TYW1: variants seen among roughly 807,000 people sequenced by gnomAD.
TYW1 encodes the protein S-adenosyl-L-methionine-dependent tRNA 4-demethylwyosine synthase TYW1.
In TYW1, 46 loss-of-function variants were observed where a neutral mutation model predicts 96.2. That is an observed-to-expected ratio of 0.48 (90% CI 0.38 to 0.61). TYW1 has a LOEUF of 0.61. Ranked by LOEUF, TYW1 falls within the 20% of genes least tolerant of loss-of-function variation. The pLI is 0.00. For synonymous variants in TYW1, 274 were observed against 323.0 expected (o/e 0.85, Z 1.63); for missense variants, 684 against 909.6 (o/e 0.75, Z 3.19).
At chr7:67,095,720 C>T (rs1238685150) in intron 11 of TYW1, among the ~76,000 whole-genome samples, 4 of 148,980 alleles carry the variant, frequency 2.7e-5, no homozygotes, top group African/African-American at 1.0e-4. Context: ...GCAGCAGCAG[C>T]CCCTATGTCT....
chr7:67,220,550 T>A (rs1801356666), intron 15 of TYW1, among the ~76,000 whole-genome samples: 1 of 152,026 alleles, frequency 6.6e-6, no homozygotes, highest in Non-Finnish European at 1.5e-5. Context: ...GAGAATATGC[T>A]TTGTATGATA....
chr7:67,023,068 T>C (rs1177857958), intron 6 of TYW1, among the ~76,000 whole-genome samples: 4 of 152,174 alleles, frequency 2.6e-5, no homozygotes, highest in African/African-American at 2.4e-5. Flanking sequence ...ATGAAGGTTA[T>C]TGACATTTTG....
At chr7:67,001,998 C>T (rs1793409744) in intron 3 of TYW1, among the ~76,000 whole-genome samples, 2 of 150,718 alleles carry the variant, frequency 1.3e-5, no homozygotes, top group Non-Finnish European at 2.9e-5. Context: ...TGCACCACTG[C>T]ACTCCAGCCT....
intron 13 of TYW1, among the ~76,000 whole-genome samples, chr7:67,173,306 G>A (rs1799571058): frequency 6.6e-6 from 1 of 152,150 alleles, no homozygotes; most frequent in Admixed American, 6.5e-5. Context: ...TGTGGAAGAA[G>A]GTGGGTCATT....
chr7:67,237,743 G>A (rs1249689422), intron 15 of TYW1, among the ~76,000 whole-genome samples: 1 of 151,940 alleles, frequency 6.6e-6, no homozygotes, highest in Non-Finnish European at 1.5e-5. Flanking sequence ...AGTACAAATT[G>A]GATTATCCCC....
intron 2 of TYW1, 99 bp from the exon 3 acceptor site, chr7:66,998,718 A>G (rs1460095136): frequency 7.3e-7 from 1 of 1,376,132 alleles, no homozygotes; most frequent in Non-Finnish European, 1.0e-6. Flanking sequence ...AGATTAAGAG[A>G]AAAATAAAAT....
Position 67,024,914 on chromosome 7 carries a change from T to G in TYW1, c.876T>G (p.Phe292Leu). 1 of 1,613,866 alleles carries G rather than the reference T, an allele frequency of 6.2e-7. No individual in the cohort carries two copies. The highest frequency in any genetic ancestry group is 8.5e-7 in the Non-Finnish European group (1 of 1,179,818). ...HHRDTEEEEPFESSSEEEFGG... is the reference protein window; with the variant it reads ...HHRDTEEEEPLESSSEEEFGG... ...TTCTCTTCCAGGAGGAAGAACCCTTTGAGAGCTCCAGTGAAGAAGAGTTTG... is the reference window on the plus strand; with the variant it reads ...TTCTCTTCCAGGAGGAAGAACCCTTGGAGAGCTCCAGTGAAGAAGAGTTTG... The change falls in exon 7 of 16, where the codon TTT (phenylalanine) becomes TTG (leucine). Residue 292 changes from phenylalanine (F) to leucine (L), a missense_variant. Coordinates refer to ENST00000359626, the MANE Select transcript of TYW1 (RefSeq NM_018264.4).
chr7:67,180,118 C>T (rs1449882789), intron 13 of TYW1, among the ~76,000 whole-genome samples: 4 of 131,984 alleles, frequency 3.0e-5, no homozygotes, highest in Non-Finnish European at 6.4e-5. Context: ...TGAGCCAGTG[C>T]ACCCAGCTGA....
chr7:67,195,173 G>A lies in TYW1; in HGVS notation c.1813G>A (p.Val605Ile), dbSNP rs150936911. The A allele has an allele frequency of 1.1e-3, 1,742 of 1,613,904 alleles. 7 individuals are homozygous for A. The highest frequency in any genetic ancestry group is 8.0e-4 in the Non-Finnish European group (946 of 1,179,944). Residue 605 changes from valine (V) to isoleucine (I), a missense_variant, in exon 15 of 16, where the codon GTT becomes ATT. Coordinates refer to ENST00000359626, the MANE Select transcript of TYW1 (RefSeq NM_018264.4). ...GNPDFIEVKGVTYCGESSASS... is the reference protein window; with the variant it reads ...GNPDFIEVKGITYCGESSASS... ...GATGGTTATACTGTTTCCACAGGGCGTTACCTACTGCGGAGAAAGTTCAGC... is the reference window on the plus strand; with the variant it reads ...GATGGTTATACTGTTTCCACAGGGCATTACCTACTGCGGAGAAAGTTCAGC...
intron 13 of TYW1, among the ~76,000 whole-genome samples, chr7:67,179,002 C>T (rs1434259143): frequency 7.0e-6 from 1 of 142,258 alleles, no homozygotes; most frequent in Non-Finnish European, 1.5e-5. Flanking sequence ...TTGGCTTTGT[C>T]CAGTAAAGAA....
chr7:67,021,640 T>C (rs1461485186), intron 6 of TYW1, among the ~76,000 whole-genome samples: 3 of 151,904 alleles, frequency 2.0e-5, no homozygotes, highest in African/African-American at 7.3e-5. Flanking sequence ...ATTGGAATCT[T>C]TGTGAGGACC....
intron 13 of TYW1, among the ~76,000 whole-genome samples, chr7:67,145,234 T>C (rs796874396): frequency 4.7e-5 from 7 of 148,072 alleles, no homozygotes; most frequent in Non-Finnish European, 1.0e-4. Flanking sequence ...CTGCAAGCTC[T>C]GCCTCCCAGG....
At chr7:67,206,240 T>C (rs1800795940) in intron 15 of TYW1, among the ~76,000 whole-genome samples, 1 of 152,204 alleles carries the variant, frequency 6.6e-6, no homozygotes, top group Admixed American at 6.5e-5. Flanking sequence ...AAGAATTTCC[T>C]GACACATGAA....
intron 7 of TYW1, among the ~76,000 whole-genome samples, chr7:67,031,240 C>G (rs1225167092): frequency 7.2e-6 from 1 of 138,652 alleles, no homozygotes; most frequent in African/African-American, 2.7e-5. Context: ...AAACAGGAGG[C>G]GTGTTGTGTA....
At chr7:67,147,390 T>C (rs1798641798) in intron 13 of TYW1, among the ~76,000 whole-genome samples, 1 of 151,978 alleles carries the variant, frequency 6.6e-6, no homozygotes, top group African/African-American at 2.4e-5. Flanking sequence ...AGATCATATA[T>C]TGCTGTGACC....
At chr7:67,227,070 A>T (rs1253193633) in intron 15 of TYW1, among the ~76,000 whole-genome samples, 1 of 152,026 alleles carries the variant, frequency 6.6e-6, no homozygotes, top group Admixed American at 6.6e-5. Flanking sequence ...TTTTTGTTTT[A>T]TTCCGTTTTG....
At chr7:67,092,391 A>G (rs1461723550) in intron 11 of TYW1, among the ~76,000 whole-genome samples, 1 of 151,994 alleles carries the variant, frequency 6.6e-6, no homozygotes, top group Non-Finnish European at 1.5e-5. Context: ...AAATTAGTTT[A>G]TGCCACCCTC....
Position 66,998,919 on chromosome 7 carries a change from A to G in TYW1, c.238A>G (p.Lys80Glu), listed in dbSNP as rs761158619. ...QEKDIFVSGV[K>E]IFYGSQTGTA... is the part of the protein sequence containing the mutation. ...GAAAGACATCTTTGTGTCTGGAGTGAAGATTTTTTATGGTTCTCAGACTGG... is the reference window on the plus strand; with the variant it reads ...GAAAGACATCTTTGTGTCTGGAGTGGAGATTTTTTATGGTTCTCAGACTGG... The change falls in exon 3 of 16, where the codon AAG becomes GAG. Residue 80 changes from lysine to glutamate, a missense_variant. By Grantham distance (56) the Lys-to-Glu change is moderately conservative. Transcript: ENST00000359626. The G allele has an allele frequency of 6.2e-7, 1 of 1,614,004 alleles. No homozygotes were observed. The highest frequency in any genetic ancestry group is 1.3e-5 in the African/African-American group (1 of 74,938).
intron 13 of TYW1, among the ~76,000 whole-genome samples, chr7:67,156,664 C>G (rs1202687786): frequency 6.6e-6 from 1 of 152,136 alleles, no homozygotes; most frequent in Admixed American, 6.5e-5. Context: ...CTACAGCCTT[C>G]TGGAAGAACA....
Sources: allele counts gnomAD v4.1 joint callset (sites outside exome capture counted in the v4.1 genomes callset), GRCh38; gene constraint gnomAD v4.1.1; transcripts MANE v1.5; gene names NCBI Gene and HGNC (gene_info 2026-07-23, HGNC 2026-07-21).